The following LYPD4 variants were observed in gnomAD, a reference collection of about 807,000 sequenced individuals.
The protein encoded by LYPD4 is LY6/PLAUR domain containing 4, also known as ly6/PLAUR domain-containing protein 4.
A neutral mutation model predicts 18.2 loss-of-function variants in LYPD4; 20 were observed. That is an observed-to-expected ratio of 1.10 (90% confidence interval 0.77 to 1.59). The LOEUF (loss-of-function observed/expected upper bound fraction) is 1.59. Ranked by LOEUF, LYPD4 falls within the 40% of genes most tolerant of loss-of-function variation. The pLI is 0.00. For missense variants in LYPD4, 278 were observed against 300.3 expected, an observed-to-expected ratio of 0.93 and a Z score of 0.55; for synonymous variants, 111 against 118.3, an observed-to-expected ratio of 0.94 and a Z score of 0.40.
In LYPD4 at chr19:41,838,979, C is replaced by T. The variant is rs368266342; in HGVS notation, c.113G>A (p.Arg38Lys). 3 of 1,613,826 alleles carry T rather than the reference C, an allele frequency of 1.9e-6. No individual in the cohort carries two copies. The African/African-American group carries it at 4.0e-5, about 22-fold the overall frequency. ...CTTCCAGTTATGGAAAGCAACAGCT[C>T]TGAATCTTGAGGCTGTTGCTTCATA... ...LCYEATASRF[R>K]AVAFHNWKWL... is the part of the protein sequence containing the mutation. Residue 38 changes from arginine to lysine, a missense_variant, in exon 3 of 5, where the codon AGA becomes AAA. Coordinates refer to ENST00000609812, the MANE Select transcript of LYPD4 (RefSeq NM_173506.7).
At chr19:41,836,695 A>G (rs12976571), downstream of LYPD4, among the ~76,000 whole-genome samples, 63,216 of 151,128 alleles carry the variant, frequency 0.42, 14,899 homozygotes, top group Middle Eastern at 0.57. Flanking sequence ...CAAAGATTCG[A>G]GACCAGACCG....
downstream of LYPD4, chr19:41,835,556 G>C (rs1310883631): frequency 6.5e-6 from 1 of 152,882 alleles, no homozygotes; most frequent in Non-Finnish European, 1.5e-5. Flanking sequence ...TTAGGAAGAG[G>C]TGGGCGAAGC....
chr19:41,836,096 A>G (rs2073367830), downstream of LYPD4: 1 of 150,786 alleles, frequency 6.6e-6, no homozygotes, highest in Non-Finnish European at 1.5e-5. Flanking sequence ...TGTCTCACAC[A>G]CACACACACA....
intron 1 of LYPD4, among the ~76,000 whole-genome samples, chr19:41,843,078 C>CAAAAAA (rs2073693023): frequency 1.1e-4 from 1 of 9,110 alleles, no homozygotes; most frequent in African/African-American, 3.7e-4. Flanking sequence ...AAAAAAAAAA[C>CAAAAAA]CCCAACAACA....
downstream of LYPD4, chr19:41,835,622 G>A (rs151142745): frequency 1.2e-3 from 229 of 194,532 alleles, 2 homozygotes; most frequent in African/African-American, 5.1e-3. Flanking sequence ...GCCTCTTGTC[G>A]TAGGCTCGCT....
chr19:41,839,432 C>CT, intron 1 of LYPD4, 27 bp from the exon 2 acceptor site: 1 of 734,928 alleles, frequency 1.4e-6, no homozygotes, highest in Non-Finnish European at 2.3e-6. Context: ...ATTGCATCAG[C>CT]TTCTAGGACA....
intron 4 of LYPD4, 107 bp from the exon 5 acceptor site, chr19:41,837,452 G>A (rs1444517054): frequency 5.8e-6 from 7 of 1,198,172 alleles, no homozygotes; most frequent in South Asian, 1.3e-5. Context: ...TTGGGAGGCC[G>A]AGGCAGGTGG....
downstream of LYPD4, chr19:41,835,697 A>G: frequency 1.2e-6 from 1 of 802,742 alleles, no homozygotes; most frequent in Non-Finnish European, 1.5e-6. Flanking sequence ...CCCTTCCAGA[A>G]CCTAGATTGG....
At chr19:41,839,915 G>A (rs1388608657) in intron 1 of LYPD4, among the ~76,000 whole-genome samples, 5 of 151,936 alleles carry the variant, frequency 3.3e-5, no homozygotes, top group East Asian at 1.9e-4. Flanking sequence ...CAGGGGTGGT[G>A]GCACGAGCCT....
downstream of LYPD4, among the ~76,000 whole-genome samples, chr19:41,836,746 A>G (rs1555830427): frequency 2.0e-5 from 3 of 151,788 alleles, no homozygotes; most frequent in Non-Finnish European, 4.4e-5. Flanking sequence ...AAAAAAGGAA[A>G]AAAAAAAAAA....
chr19:41,837,337 T>G lies in LYPD4; in HGVS notation c.547A>C (p.Asn183His). The change falls in exon 5 of 5, where the codon AAT (asparagine) becomes CAT (histidine). Residue 183 changes from asparagine (N) to histidine (H), a missense_variant. By Grantham distance (68) the Asn-to-His change is moderately conservative (BLOSUM62 1). Transcript: ENST00000609812. ...STLKFQAGFL[N>H]TTFLLMGCAR... Reference sequence around the variant, plus strand: ...CACCCCATGAGGAGGAAGGTGGTATTGAGAAACCCTGTAAGGAAGAGAGGG... The same window carrying G: ...CACCCCATGAGGAGGAAGGTGGTATGGAGAAACCCTGTAAGGAAGAGAGGG... 1 of 1,613,846 alleles carries G rather than the reference T, an allele frequency of 6.2e-7. No homozygotes were observed. Among genetic ancestry groups the G allele is most frequent in the Non-Finnish European group, 8.5e-7 (1 of 1,179,840 alleles).
chr19:41,836,264 C>A (rs56118461), downstream of LYPD4, among the ~76,000 whole-genome samples: 2 of 123,072 alleles, frequency 1.6e-5, no homozygotes, highest in East Asian at 5.2e-4. Context: ...GCTCTTTCCT[C>A]TCTCCCCTAT....
At chr19:41,838,807 C>T in intron 3 of LYPD4, 74 bp downstream of exon 3, 3 of 1,415,970 alleles carry the variant, frequency 2.1e-6, no homozygotes, top group Non-Finnish European at 2.9e-6. Context: ...ATCTACAGTC[C>T]CTCGGTGCTG....
At position 41,838,156 on chromosome 19, in the gene LYPD4, T is replaced by C. The variant is rs201737351; in HGVS notation, c.317A>G (p.Tyr106Cys). Residue 106 changes from tyrosine (Y) to cysteine (C), a missense_variant, in exon 4 of 5, where the codon TAC becomes TGC. Physicochemically the swap from Tyr to Cys is radical, Grantham distance 194 (BLOSUM62 -2). Coordinates refer to ENST00000609812, the MANE Select transcript of LYPD4 (RefSeq NM_173506.7). Reference protein sequence around the residue: ...VSPPGVSIASYSRVCRSYLCN... With the variant: ...VSPPGVSIASCSRVCRSYLCN... ...GAGATAAGACCGGCAGACGCGACTG[T>C]AGGAGGCAATGGACACTCCGGGTGG... 5.6e-6 allele frequency: 9 copies of C among 1,611,638 alleles called. No individual in the cohort carries two copies. Among genetic ancestry groups the C allele is most frequent in the Non-Finnish European group, 7.6e-6 (9 of 1,178,312 alleles).
downstream of LYPD4, chr19:41,835,160 A>G (rs181459765): frequency 1.3e-5 from 2 of 152,322 alleles, no homozygotes; most frequent in Admixed American, 6.5e-5. Context: ...AAGCCAAACT[A>G]AATAAAATAT....
intron 4 of LYPD4, 32 bp from the exon 5 acceptor site, chr19:41,837,377 C>T (rs2073401315): frequency 6.2e-7 from 1 of 1,612,174 alleles, no homozygotes; most frequent in Non-Finnish European, 8.5e-7. Flanking sequence ...GTCAGGAACA[C>T]TTTCAAGACT....
Position 41,839,680 on chromosome 19 carries a change from T to TGTGTGTG in LYPD4, c.-120-276_-120-275insCACACAC, listed in dbSNP as rs60674548. On this transcript the variant is annotated intron_variant, in intron 1 of 4. Coordinates refer to ENST00000609812, the MANE Select transcript of LYPD4 (RefSeq NM_173506.7). ...AATAGATGTTTCAAACTCGTGTGTG[T>TGTGTGTG]TGTGTGTGTGTGTGTGTGTGTGTGT... is the stretch of plus-strand genomic sequence containing the variant. The TGTGTGTG allele has an allele frequency of 3.1e-3, 666 of 213,560 alleles. 89 individuals carry two copies. Among genetic ancestry groups the TGTGTGTG allele is most frequent in the Middle Eastern group, 5.7e-3 (3 of 526 alleles). The allele number at this position is 213,560 out of a possible 1,614,324, so 13.2% of individuals were successfully genotyped here.
chr19:41,836,704 C>G (rs1341436333), downstream of LYPD4, among the ~76,000 whole-genome samples: 1 of 149,982 alleles, frequency 6.7e-6, no homozygotes, highest in East Asian at 2.0e-4. Flanking sequence ...GAGACCAGAC[C>G]GGGCAACATA....
downstream of LYPD4, chr19:41,835,852 T>G: frequency 1.0e-6 from 1 of 985,046 alleles, no homozygotes; most frequent in Non-Finnish European, 1.2e-6. Context: ...GTTAAGCCTG[T>G]GTCCTCGCCT....
Sources: gnomAD v4.1 joint callset for allele counts (sites outside exome capture counted in the v4.1 genomes callset) on GRCh38, gnomAD v4.1.1 for gene constraint, MANE v1.5 for transcripts, NCBI Gene and HGNC (gene_info 2026-07-23, HGNC 2026-07-21) for gene names.